Variants in NPHS1 observed in about 807,000 individuals in gnomAD.
The protein encoded by NPHS1 is NPHS1 adhesion molecule, nephrin.
NPHS1 carries 107 observed loss-of-function variants against 139.7 expected under a neutral mutation model. The ratio of observed to expected loss-of-function variants is 0.77; its 90% confidence interval spans 0.66 to 0.90. The LOEUF (loss-of-function observed/expected upper bound fraction) is 0.90, where lower values mean the gene tolerates loss of function less well. NPHS1 is among the 40% of genes least tolerant of loss of function. The pLI, the probability that NPHS1 is intolerant of heterozygous loss-of-function variation, is 0.00. For missense variants in NPHS1, 1,580 were observed against 1,654.2 expected, an observed-to-expected ratio of 0.96 and a Z score of 0.78; for synonymous variants, 707 against 706.6, an observed-to-expected ratio of 1.00 and a Z score of -0.01.
chr19:35,842,371 A>G lies in NPHS1; in HGVS notation c.2506+8T>C, dbSNP rs775324873. On this transcript the variant is annotated splice_region_variant and intron_variant, in intron 18 of 28. Transcript: ENST00000378910. Reference sequence around the variant, plus strand: ...GGTCTTGAAGTCAGGTGTTTGGGTAATACCCACATCTGACAACAAGACGGA... The same window carrying G: ...GGTCTTGAAGTCAGGTGTTTGGGTAGTACCCACATCTGACAACAAGACGGA... The G allele has an allele frequency of 6.2e-7, 1 of 1,613,612 alleles. No individual in the cohort carries two copies. The highest frequency in any genetic ancestry group is 2.2e-5 in the East Asian group (1 of 44,882).
chr19:35,829,222 C>T (rs1295760195), intron 28 of NPHS1, among the ~76,000 whole-genome samples: 1 of 152,216 alleles, frequency 6.6e-6, no homozygotes, highest in Non-Finnish European at 1.5e-5. Context: ...CATATTCCAT[C>T]CCCTGACTCA....
In NPHS1 at chr19:35,845,245, G is replaced by T; in HGVS notation, c.1930+123C>A. On this transcript the variant is annotated intron_variant, in intron 14 of 28. Coordinates refer to ENST00000378910, the MANE Select transcript of NPHS1 (RefSeq NM_004646.4). The surrounding 1 kb of genome is among the most constrained non-coding windows in gnomAD (Gnocchi z 5.5). ...TGATTGCGTCACTGCATTGCAGCCTGAGCGACAAAAAATGAAAGAGAGAGA... is the reference window on the plus strand; with the variant it reads ...TGATTGCGTCACTGCATTGCAGCCTTAGCGACAAAAAATGAAAGAGAGAGA... 8.6e-7 allele frequency: 1 copy of T among 1,160,696 alleles called. No individual in the cohort carries two copies. Among genetic ancestry groups the T allele is most frequent in the Non-Finnish European group, 1.3e-6 (1 of 792,420 alleles). 71.9% of individuals were successfully genotyped at this position (1,160,696 alleles called of 1,614,324 possible).
intron 6 of NPHS1, 41 bp from the exon 7 acceptor site, chr19:35,849,404 T>A: frequency 6.2e-7 from 1 of 1,603,386 alleles, no homozygotes; most frequent in East Asian, 2.2e-5. Context: ...GAGTAGCCCA[T>A]CCACTCTTTC....
At chr19:35,833,027 G>A (rs1972904963) in intron 23 of NPHS1, among the ~76,000 whole-genome samples, 2 of 149,670 alleles carry the variant, frequency 1.3e-5, no homozygotes, top group South Asian at 2.1e-4. Flanking sequence ...TGGGATTACA[G>A]GCGCATGCCA....
intron 28 of NPHS1, 32 bp from the exon 29 acceptor site, chr19:35,826,677 G>A: frequency 1.9e-6 from 3 of 1,613,566 alleles, no homozygotes; most frequent in Non-Finnish European, 2.5e-6. Flanking sequence ...TAGAACCATG[G>A]AGAGATGCCC....
chr19:35,844,375 G>GCGGAAA lies in NPHS1; in HGVS notation c.2014_2015insTTTCCG (p.Val670_Ser671dup). 1 of 1,613,360 alleles carries GCGGAAA rather than the reference G, an allele frequency of 6.2e-7. No homozygotes were observed. On this transcript the variant is annotated inframe_insertion, in exon 15 of 29. Coordinates refer to ENST00000378910, the MANE Select transcript of NPHS1 (RefSeq NM_004646.4). ...GTTGAAGGCCTCGGGGGCGGGGTTA[G>GCGGAAA]CGGACACGGACACGGGCAGCAACGC...
rs10566018 is a variant in NPHS1 at position 35,852,097 on chromosome 19, C to CTTT, written c.-263_-261dup. Among the ~76,000 whole-genome samples the CTTT allele has an allele frequency of 8.2e-6, 1 of 121,596 alleles. No homozygotes were observed. The highest frequency in any genetic ancestry group is 1.8e-5 in the Non-Finnish European group (1 of 56,066). The allele number at this position is 121,596 out of a possible 152,430, so 79.8% of individuals were successfully genotyped here. A position where few individuals can be genotyped will look rare whatever the true frequency, so the allele number is the denominator to read the frequency against. On this transcript the variant is annotated 5_prime_UTR_variant, in exon 1 of 29. Transcript: ENST00000378910. Reference sequence around the variant, plus strand: ...TTTTTTTCTTTTTTCTTTTTTTTTTCTTTTTTTTTTTTTTAGAGACGGGGT... The same window carrying CTTT: ...TTTTTTTCTTTTTTCTTTTTTTTTTCTTTTTTTTTTTTTTTTTAGAGACGGGGT...
chr19:35,833,785 C>T (rs1399810489), intron 23 of NPHS1, among the ~76,000 whole-genome samples: 1 of 152,184 alleles, frequency 6.6e-6, no homozygotes, highest in Admixed American at 6.5e-5. Flanking sequence ...AAGGCTCAAC[C>T]TCCTGGGCTC....
Position 35,845,997 on chromosome 19 carries a change from C to G in NPHS1, c.1627+11G>C, listed in dbSNP as rs1299377155. ...GCCCCGCCCCCGGGCCTCAGCAGTG[C>G]GAGCCCTCACACTGCACCGCCAGCT... On this transcript the variant is annotated intron_variant, in intron 12 of 28. Coordinates refer to ENST00000378910, the MANE Select transcript of NPHS1 (RefSeq NM_004646.4). The surrounding 1 kb of genome is among the most constrained non-coding windows in gnomAD (Gnocchi z 5.5). 1 of 1,541,216 alleles carries G rather than the reference C, an allele frequency of 6.5e-7. No individual in the cohort carries two copies. The highest frequency in any genetic ancestry group is 1.9e-5 in the Admixed American group (1 of 52,872).
At chr19:35,842,871 C>T (rs1973081736) in intron 17 of NPHS1, among the ~76,000 whole-genome samples, 1 of 152,068 alleles carries the variant, frequency 6.6e-6, no homozygotes, top group South Asian at 2.1e-4. Context: ...TTCACTCACT[C>T]ATTCCTCCAC....
At chr19:35,835,080 A>T (rs1972937717) in intron 23 of NPHS1, among the ~76,000 whole-genome samples, 1 of 147,318 alleles carries the variant, frequency 6.8e-6, no homozygotes, top group East Asian at 2.1e-4. Context: ...GGTGCCTGTA[A>T]TCCCAGCAAC....
At position 35,834,199 on chromosome 19, in the gene NPHS1, G is replaced by A. The variant is rs76396654; in HGVS notation, c.3166+1506C>T. Reference sequence around the variant, plus strand: ...TTGGCCAATGAGACACAACTATGACGGAATCAGCTAGTAAATTGCTGCTTT... The same window carrying A: ...TTGGCCAATGAGACACAACTATGACAGAATCAGCTAGTAAATTGCTGCTTT... On this transcript the variant is annotated intron_variant, in intron 23 of 28. Transcript: ENST00000378910. Among the ~76,000 whole-genome samples the A allele has an allele frequency of 1.2e-3, 179 of 152,196 alleles. No individual in the cohort carries two copies. In the East Asian group the frequency reaches 0.02, roughly 17 times the overall value.
chr19:35,851,746 T>C (rs186895051), intron 1 of NPHS1, 34 bp downstream of exon 1: 2 of 1,557,760 alleles, frequency 1.3e-6, no homozygotes, highest in African/African-American at 2.7e-5. Flanking sequence ...TGGGGGCCAC[T>C]TGGCGCTGGG....
chr19:35,850,596 G>A (rs534588867), intron 4 of NPHS1, 151 bp from the exon 5 acceptor site: 61 of 745,102 alleles, frequency 8.2e-5, no homozygotes, highest in South Asian at 2.6e-4. Context: ...ATCCCCTCCC[G>A]ACTTTCTGGA....
intron 28 of NPHS1, 135 bp from the exon 29 acceptor site, chr19:35,826,780 C>A: frequency 3.2e-6 from 3 of 929,260 alleles, no homozygotes; most frequent in Admixed American, 4.0e-5. Flanking sequence ...CCAACATATA[C>A]AAAAAAGGAG....
At chr19:35,848,599 C>T (rs778941784) in intron 9 of NPHS1, 38 bp downstream of exon 9, 11 of 1,611,562 alleles carry the variant, frequency 6.8e-6, no homozygotes, top group Non-Finnish European at 9.3e-6. Flanking sequence ...CCTCAGCCCC[C>T]TCCATGCTCA....
intron 16 of NPHS1, 70 bp downstream of exon 16, chr19:35,844,033 A>T: frequency 6.4e-7 from 1 of 1,573,572 alleles, no homozygotes; most frequent in South Asian, 1.1e-5. Flanking sequence ...CGGAGCTCCC[A>T]CAATGAGGAG....
chr19:35,846,826 A>G (rs1180880828), intron 11 of NPHS1, among the ~76,000 whole-genome samples: 1 of 152,172 alleles, frequency 6.6e-6, no homozygotes, highest in Non-Finnish European at 1.5e-5. Context: ...CCATCCAATT[A>G]AAATAAAATT....
intron 20 of NPHS1, among the ~76,000 whole-genome samples, 171 bp downstream of exon 20, chr19:35,841,544 C>T (rs990392574): frequency 5.3e-5 from 8 of 152,122 alleles, no homozygotes; most frequent in Non-Finnish European, 8.8e-5. Flanking sequence ...TGTTGTGGGT[C>T]TTCCTGAAGA....
Sources: gnomAD v4.1 joint callset for allele counts (sites outside exome capture counted in the v4.1 genomes callset) on GRCh38, gnomAD v4.1.1 for gene constraint, Gnocchi (gnomAD v3.1) non-coding constraint, MANE v1.5 for transcripts, NCBI Gene and HGNC (gene_info 2026-07-23, HGNC 2026-07-21) for gene names.